RASSF5: variants seen among roughly 807,000 people sequenced by gnomAD.
RASSF5 encodes the protein Ras association domain family member 5, also known as ras association domain-containing protein 5.
RASSF5 carries 25 observed loss-of-function variants against 40.5 expected under a neutral mutation model. The ratio of observed to expected loss-of-function variants is 0.62; its 90% CI spans 0.45 to 0.86. The LOEUF is 0.86. Among genes scored for constraint, RASSF5 ranks in the 40% least tolerant of loss-of-function variants. The probability of loss-of-function intolerance (pLI) is 0.00; values close to 1 mark genes in which losing one functional copy is unlikely to be tolerated. For missense variants in RASSF5, 521 were observed against 572.8 expected (o/e 0.91, Z 0.92); for synonymous variants, 246 against 252.4 (o/e 0.97, Z 0.24).
At chr1:206,529,914 C>CA (rs546235550) in intron 1 of RASSF5, among the ~76,000 whole-genome samples, 9 of 150,822 alleles carry the variant, frequency 6.0e-5, no homozygotes, top group East Asian at 3.9e-4. Flanking sequence ...GACCCTGCCT[C>CA]AAAAAAAATA....
chr1:206,523,031 G>A (rs1184639744), intron 1 of RASSF5, among the ~76,000 whole-genome samples: 3 of 151,930 alleles, frequency 2.0e-5, no homozygotes, highest in South Asian at 2.1e-4. Flanking sequence ...TATTCCAGGC[G>A]TGGTGGCTCA....
intron 1 of RASSF5, among the ~76,000 whole-genome samples, chr1:206,511,847 G>A (rs977652427): frequency 2.0e-5 from 3 of 152,264 alleles, no homozygotes; most frequent in South Asian, 2.1e-4. Flanking sequence ...AGCTGGAACC[G>A]CCTGCGTGAC....
chr1:206,553,075 G>A (rs1472485480), intron 2 of RASSF5, among the ~76,000 whole-genome samples: 4 of 152,060 alleles, frequency 2.6e-5, no homozygotes, highest in East Asian at 3.9e-4. Flanking sequence ...GGTGGCGGGC[G>A]CCTGTAGTCC....
intron 2 of RASSF5, among the ~76,000 whole-genome samples, chr1:206,551,184 A>G (rs1667830339): frequency 6.6e-6 from 1 of 152,038 alleles, no homozygotes; most frequent in Admixed American, 6.6e-5. Context: ...AATACATTAG[A>G]CCCCACCTAG....
At chr1:206,541,767 A>G (rs1667550497) in intron 2 of RASSF5, 1 of 152,152 alleles carries the variant, frequency 6.6e-6, no homozygotes, top group South Asian at 2.1e-4. Flanking sequence ...TTATACCCCA[A>G]AGAATTTATA....
chr1:206,564,713 C>T (rs1334211816), intron 2 of RASSF5, among the ~76,000 whole-genome samples: 6 of 152,112 alleles, frequency 3.9e-5, no homozygotes, highest in Non-Finnish European at 4.4e-5. Flanking sequence ...TCCTGCAGGT[C>T]CTTGGTTTCT....
At chr1:206,516,764 A>C (rs1202512822) in intron 1 of RASSF5, among the ~76,000 whole-genome samples, 1 of 152,106 alleles carries the variant, frequency 6.6e-6, no homozygotes, top group Admixed American at 6.6e-5. Context: ...GCCGTGACTC[A>C]TATTTTAAAG....
chr1:206,539,113 T>C (rs1222173025), intron 2 of RASSF5, among the ~76,000 whole-genome samples: 1 of 152,192 alleles, frequency 6.6e-6, no homozygotes, highest in Non-Finnish European at 1.5e-5. Context: ...ATTTAAGCCT[T>C]AATGTGTGGG....
intron 1 of RASSF5, among the ~76,000 whole-genome samples, chr1:206,520,668 C>T (rs1417032561): frequency 5.9e-5 from 9 of 151,804 alleles, no homozygotes; most frequent in Non-Finnish European, 1.3e-4. Context: ...GAGTCAGGAT[C>T]CTGGAGTTAC....
chr1:206,534,158 GCCCTCCATCCCAGCTCCTGGTTGTGGCT>G (rs1667322637), intron 1 of RASSF5, among the ~76,000 whole-genome samples: 1 of 152,124 alleles, frequency 6.6e-6, no homozygotes, highest in Admixed American at 6.5e-5. Flanking sequence ...GAGGTCCTTG[GCCCTCCATCCCAGCTCCTGGTTGTGGCT>G]CCCTTCTGGG....
At chr1:206,522,975 G>A (rs1411081043) in intron 1 of RASSF5, among the ~76,000 whole-genome samples, 2 of 152,056 alleles carry the variant, frequency 1.3e-5, no homozygotes, top group Non-Finnish European at 2.9e-5. Context: ...GTGGGCTCTG[G>A]TTAAAACAAT....
intron 2 of RASSF5, among the ~76,000 whole-genome samples, chr1:206,540,521 A>G (rs1315200013): frequency 6.6e-6 from 1 of 152,256 alleles, no homozygotes; most frequent in African/African-American, 2.4e-5. Context: ...ACAGCCTGGC[A>G]TGGGGTTTGC....
chr1:206,589,341 G>T lies in RASSF5; in HGVS notation c.*2363G>T, dbSNP rs1039295697. 9.8e-5 allele frequency: 15 copies of T among 152,764 alleles called. No homozygotes were observed. The highest frequency in any genetic ancestry group is 3.4e-4 in the African/African-American group (14 of 41,450). 9.5% of individuals were successfully genotyped at this position (152,764 alleles called of 1,614,324 possible). A position where few individuals can be genotyped will look rare whatever the true frequency, so the allele number is the denominator to read the frequency against. The stretch of plus-strand genomic sequence containing the variant: ...GGACACTGGGAGCGGGGGAGAGAGG[G>T]TGAGAATGGACATGATCACATGCTT... On this transcript the variant is annotated 3_prime_UTR_variant, in exon 6 of 6. Coordinates refer to ENST00000579436, the MANE Select transcript of RASSF5 (RefSeq NM_182663.4).
chr1:206,581,174 G>A (rs555653860), intron 2 of RASSF5: 1 of 152,352 alleles, frequency 6.6e-6, no homozygotes, highest in South Asian at 2.1e-4. Context: ...TGTGAAATAA[G>A]AATGACATAC....
chr1:206,559,110 GGCCTGGGGTACA>G (rs1296151586), intron 2 of RASSF5, among the ~76,000 whole-genome samples: 8 of 152,236 alleles, frequency 5.3e-5, no homozygotes, highest in African/African-American at 1.9e-4. Flanking sequence ...TGATTTAAAT[GGCCTGGGGTACA>G]GCCTGGGCAT....
chr1:206,588,221 G>T lies in RASSF5; in HGVS notation c.*1243G>T, dbSNP rs782622186. 1.3e-5 allele frequency: 2 copies of T among 152,788 alleles called. No homozygotes were observed. Among genetic ancestry groups the T allele is most frequent in the Non-Finnish European group, 2.9e-5 (2 of 68,078 alleles). 9.5% of individuals were successfully genotyped at this position (152,788 alleles called of 1,614,324 possible). On this transcript the variant is annotated 3_prime_UTR_variant, in exon 6 of 6. Coordinates refer to ENST00000579436, the MANE Select transcript of RASSF5 (RefSeq NM_182663.4). ...CTGCCAGGAAGTGAACAATGGCGGC[G>T]GTGTGGGAGACAAGGCCAGGAGAGC...
At chr1:206,561,304 T>C (rs1317970171) in intron 2 of RASSF5, among the ~76,000 whole-genome samples, 1 of 152,202 alleles carries the variant, frequency 6.6e-6, no homozygotes, top group African/African-American at 2.4e-5. Context: ...TCTTGGTCTT[T>C]TCCTACTCAG....
At chr1:206,546,693 A>G (rs941950949) in intron 2 of RASSF5, among the ~76,000 whole-genome samples, 1 of 152,246 alleles carries the variant, frequency 6.6e-6, no homozygotes, top group Non-Finnish European at 1.5e-5. Flanking sequence ...ACCAAACAAC[A>G]TGGCTTACCC....
intron 2 of RASSF5, among the ~76,000 whole-genome samples, chr1:206,550,551 T>G (rs908357473): frequency 6.6e-5 from 10 of 152,204 alleles, no homozygotes; most frequent in South Asian, 2.1e-4. Context: ...ACTAGGAAAG[T>G]ACATAACCTC....
Sources: allele counts gnomAD v4.1 joint callset (sites outside exome capture counted in the v4.1 genomes callset), GRCh38; gene constraint gnomAD v4.1.1; transcripts MANE v1.5; gene names NCBI Gene and HGNC (gene_info 2026-07-23, HGNC 2026-07-21).